The following SAA2 variants were observed in gnomAD, a reference collection of about 807,000 sequenced individuals.
SAA2 encodes the protein serum amyloid A2.
In SAA2, 5 loss-of-function variants were observed where a neutral mutation model predicts 9.1. The observed-to-expected ratio is 0.55, with a 90% CI of 0.29 to 1.16. The LOEUF (loss-of-function observed/expected upper bound fraction) is 1.16. Among genes scored for constraint, SAA2 ranks in the 50% most tolerant of loss-of-function variants. SAA2 has a pLI of 0.09. For synonymous variants in SAA2, 49 were observed against 59.8 expected (o/e 0.82, Z 0.83); for missense variants, 94 against 153.8 (o/e 0.61, Z 2.06).
chr11:18,243,901 T>C (rs1361781910), downstream of SAA2, among the ~76,000 whole-genome samples: 2 of 152,174 alleles, frequency 1.3e-5, no homozygotes, highest in Non-Finnish European at 2.9e-5. Flanking sequence ...CCTGTGAACA[T>C]TTCTCCTTTG....
downstream of SAA2, among the ~76,000 whole-genome samples, chr11:18,243,506 T>C (rs189751372): frequency 5.1e-4 from 77 of 152,332 alleles, no homozygotes; most frequent in African/African-American, 1.8e-3. Context: ...CAACAGTGCA[T>C]TGAGTCTGCT....
chr11:18,248,269 C>T lies in SAA2; in HGVS notation c.-4-254G>A, dbSNP rs1291523482. ...GAGGAAGGCAGGAGTTACCACCAGACTGTCACTCCCTCAAGTAGCCTATAA... is the reference window on the plus strand; with the variant it reads ...GAGGAAGGCAGGAGTTACCACCAGATTGTCACTCCCTCAAGTAGCCTATAA... On this transcript the variant is annotated intron_variant, in intron 1 of 3. Transcript: ENST00000256733. 3.1e-5 allele frequency: 12 copies of T among 392,346 alleles called. No individual in the cohort carries two copies. The East Asian group carries it at 4.1e-4, about 13-fold the overall frequency. 24.3% of individuals were successfully genotyped at this position (392,346 alleles called of 1,614,324 possible). A position where few individuals can be genotyped will look rare whatever the true frequency, so the allele number is the denominator to read the frequency against.
intron 2 of SAA2, among the ~76,000 whole-genome samples, chr11:18,247,185 T>TG (rs1857586882): frequency 6.6e-6 from 1 of 152,222 alleles, no homozygotes; most frequent in Admixed American, 6.5e-5. Flanking sequence ...GTGGTCCTTG[T>TG]GGGGGCTTGA....
rs750769363 is a variant in SAA2 at position 18,247,957 on chromosome 11, G to A, written c.55C>T (p.Arg19Ter). Residue 19 changes from arginine to a stop codon, truncating the protein, a stop_gained, in exon 2 of 4, where the codon CGA (arginine) becomes TGA (stop). Coordinates refer to ENST00000256733, the MANE Select transcript of SAA2 (RefSeq NM_030754.5). LOFTEE classifies it high-confidence loss of function. ...FCSLVLSVSS[R>*]SFFSFLGEAF... ...TCGCCAAGGAACGAAAAGAAGCTTC[G>A]GCTGCTGACACTCAGGACCAAGGAG... 1.5e-5 allele frequency: 24 copies of A among 1,613,612 alleles called. No individual in the cohort carries two copies. The East Asian group carries it at 3.3e-4, about 22-fold the overall frequency.
chr11:18,245,202 C>G, downstream of SAA2: 3 of 1,413,908 alleles, frequency 2.1e-6, no homozygotes, highest in South Asian at 4.5e-5. Context: ...ACCAAACAGG[C>G]AGTCAGCACC....
chr11:18,242,477 C>A (rs1857374842), downstream of SAA2: 2 of 340,550 alleles, frequency 5.9e-6, no homozygotes, highest in Non-Finnish European at 1.1e-5. Flanking sequence ...AAATGTTAAT[C>A]TCCTCTGGAA....
At chr11:18,243,539 C>G (rs1237007023), downstream of SAA2, among the ~76,000 whole-genome samples, 2 of 152,160 alleles carry the variant, frequency 1.3e-5, no homozygotes, top group Non-Finnish European at 2.9e-5. Flanking sequence ...TCTTCCACGC[C>G]TCTCTCCATC....
At chr11:18,243,568 C>T (rs1307151255), downstream of SAA2, among the ~76,000 whole-genome samples, 1 of 152,178 alleles carries the variant, frequency 6.6e-6, no homozygotes, top group Non-Finnish European at 1.5e-5. Flanking sequence ...CTTGCCCTTG[C>T]CTTGTTTTGG....
chr11:18,247,481 C>T (rs1857607462), intron 2 of SAA2, among the ~76,000 whole-genome samples: 2 of 127,718 alleles, frequency 1.6e-5, no homozygotes, highest in Non-Finnish European at 3.1e-5. Flanking sequence ...ATTGTTCTTT[C>T]TCTGAGTAAC....
At chr11:18,240,752 C>G (rs1473921636), downstream of SAA2, among the ~76,000 whole-genome samples, 1 of 151,934 alleles carries the variant, frequency 6.6e-6, no homozygotes, top group Non-Finnish European at 1.5e-5. Context: ...AATGTAAGAC[C>G]TGAAACAAAA....
downstream of SAA2, among the ~76,000 whole-genome samples, chr11:18,241,262 G>A (rs1857337764): frequency 6.6e-6 from 1 of 152,130 alleles, no homozygotes; most frequent in Admixed American, 6.5e-5. Context: ...GTGGAGAAAA[G>A]GGAATGCTTA....
chr11:18,245,995 C>T lies in SAA2; in HGVS notation c.145G>A (p.Gly49Ser), dbSNP rs374508530. The change falls in exon 3 of 4, where the codon GGC becomes AGC. Residue 49 changes from glycine (G) to serine (S), a missense_variant. Physicochemically the swap from Gly to Ser is moderately conservative, Grantham distance 56. Coordinates refer to ENST00000256733, the MANE Select transcript of SAA2 (RefSeq NM_030754.5). ...YSDMREANYI[G>S]SDKYFHARGN... The stretch of plus-strand genomic sequence containing the variant: ...CGAGCATGGAAGTATTTGTCTGAGC[C>T]GATGTAATTGGCTTCTCTCATGTCA... 2.0e-4 allele frequency: 329 copies of T among 1,613,772 alleles called. No individual in the cohort carries two copies. The South Asian group carries it at 3.2e-3, about 16-fold the overall frequency.
intron 2 of SAA2, among the ~76,000 whole-genome samples, chr11:18,247,262 G>A (rs1857591867): frequency 6.6e-6 from 1 of 151,792 alleles, no homozygotes; most frequent in African/African-American, 2.4e-5. Context: ...AACAAACCAG[G>A]AAGGGAGCCC....
downstream of SAA2, among the ~76,000 whole-genome samples, chr11:18,240,741 A>G (rs35474013): frequency 0.14 from 21,075 of 152,196 alleles, 1,768 homozygotes; most frequent in East Asian, 0.3. Context: ...TTAACAACTT[A>G]AATGTAAGAC....
chr11:18,239,623 T>C (rs970881031), exon 4 of SAA2: 3 of 411,770 alleles, frequency 7.3e-6, no homozygotes, highest in African/African-American at 2.1e-5. Flanking sequence ...CAGAATCTGA[T>C]ACTACTAATC....
intron 3 of SAA2, 46 bp from the exon 4 acceptor site, chr11:18,245,561 A>C (rs1392913413): frequency 6.2e-7 from 1 of 1,607,576 alleles, no homozygotes; most frequent in East Asian, 2.2e-5. Context: ...CAGGCCAGTG[A>C]GCAACAGCTC....
rs1044148019 is a variant in SAA2, at chr11:18,239,851, G to C, written c.*97C>G. The C allele has an allele frequency of 4.1e-6, 6 of 1,463,442 alleles. No homozygotes were observed. The African/African-American group carries it at 8.6e-5, about 21-fold the overall frequency. 90.7% of individuals were successfully genotyped at this position (1,463,442 alleles called of 1,614,324 possible). On this transcript the variant is annotated 3_prime_UTR_variant, in exon 4 of 4. Coordinates refer to the SAA2 transcript ENST00000414546. ...CTTAGCACAGGTTCCAAAGGCCATGGTCTTGTTAGTGGTGGTTATTTACAC... is the reference window on the plus strand; with the variant it reads ...CTTAGCACAGGTTCCAAAGGCCATGCTCTTGTTAGTGGTGGTTATTTACAC...
At chr11:18,241,339 A>T (rs1056264258), downstream of SAA2, among the ~76,000 whole-genome samples, 3 of 152,238 alleles carry the variant, frequency 2.0e-5, no homozygotes, top group African/African-American at 7.2e-5. Flanking sequence ...TTTCCCAGAG[A>T]ACTAAAAATA....
chr11:18,246,874 C>T (rs1388534808), intron 2 of SAA2, among the ~76,000 whole-genome samples: 2 of 152,206 alleles, frequency 1.3e-5, no homozygotes, highest in Non-Finnish European at 2.9e-5. Flanking sequence ...GTGCCCAGGC[C>T]ACACCCCAGG....
Sources: gnomAD v4.1 joint callset for allele counts (sites outside exome capture counted in the v4.1 genomes callset) on GRCh38, gnomAD v4.1.1 for gene constraint, MANE v1.5 for transcripts, NCBI Gene and HGNC (gene_info 2026-07-23, HGNC 2026-07-21) for gene names.